Variants in ATP1A4 observed in about 807,000 individuals in gnomAD.
ATP1A4 encodes ATPase Na+/K+ transporting subunit alpha 4.
ATP1A4 carries 90 observed loss-of-function variants against 114.3 expected under a neutral mutation model. The observed-to-expected ratio is 0.79, with a 90% CI of 0.66 to 0.94. The LOEUF is 0.94. Ranked by LOEUF, ATP1A4 falls within the 40% of genes least tolerant of loss-of-function variation. The pLI is 0.00. For synonymous variants in ATP1A4, 511 were observed against 494.1 expected, an observed-to-expected ratio of 1.03 and a Z score of -0.45; for missense variants, 1,222 against 1,313.6, an observed-to-expected ratio of 0.93 and a Z score of 1.08.
intron 20 of ATP1A4, among the ~76,000 whole-genome samples, chr1:160,184,930 TA>T (rs1438579163): frequency 6.6e-6 from 1 of 152,174 alleles, no homozygotes; most frequent in African/African-American, 2.4e-5. Context: ...ATCCCCACAC[TA>T]AATGTCTCAG....
chr1:160,157,095 A>C (rs539172767), intron 4 of ATP1A4, among the ~76,000 whole-genome samples: 18 of 152,320 alleles, frequency 1.2e-4, no homozygotes, highest in African/African-American at 4.1e-4. Flanking sequence ...TCTCAAAAAA[A>C]AGACAGGGAC....
intron 10 of ATP1A4, chr1:160,171,033 A>G: frequency 2.1e-6 from 1 of 467,680 alleles, no homozygotes; most frequent in South Asian, 4.8e-5. Context: ...TGAGAAGATA[A>G]TGGAGATTCC....
chr1:160,173,547 A>G, intron 12 of ATP1A4, 34 bp from the exon 13 acceptor site: 1 of 1,604,214 alleles, frequency 6.2e-7, no homozygotes, highest in South Asian at 1.1e-5. Context: ...TCTGAAGATG[A>G]TTCTGCTCCT....
chr1:160,154,372 C>CAA (rs879832091), intron 2 of ATP1A4, among the ~76,000 whole-genome samples: 5 of 132,582 alleles, frequency 3.8e-5, no homozygotes, highest in African/African-American at 1.4e-4. Flanking sequence ...GACTCTGTCT[C>CAA]AAAAAAAAAA....
Position 160,153,159 on chromosome 1 carries a change from C to T in ATP1A4, c.148-6C>T, listed in dbSNP as rs1652516686. On this transcript the variant is annotated splice_polypyrimidine_tract_variant and splice_region_variant and intron_variant, in intron 1 of 21. Coordinates refer to ENST00000368081, the MANE Select transcript of ATP1A4 (RefSeq NM_144699.4). ...CTGTCCCTCAATGCCTCTACTGTCC[C>T]CTCAGGATGATCACAAATTAACCTT... 1 of 1,613,840 alleles carries T rather than the reference C, an allele frequency of 6.2e-7. No individual in the cohort carries two copies. Among genetic ancestry groups the T allele is most frequent in the Non-Finnish European group, 8.5e-7 (1 of 1,179,788 alleles).
chr1:160,181,282 G>A (rs1653690128), intron 18 of ATP1A4, among the ~76,000 whole-genome samples: 1 of 152,158 alleles, frequency 6.6e-6, no homozygotes, highest in Non-Finnish European at 1.5e-5. Context: ...GCCGGGCACA[G>A]TGAGTCACGC....
In ATP1A4 at chr1:160,181,617, G is replaced by C. The variant is rs545176161; in HGVS notation, c.2737-67G>C. ...CCCAGGGGTCCTGGAAGGTGGGAGAGGAAAGAAGCCTTAGGGTGTACAGAA... is the reference window on the plus strand; with the variant it reads ...CCCAGGGGTCCTGGAAGGTGGGAGACGAAAGAAGCCTTAGGGTGTACAGAA... On this transcript the variant is annotated intron_variant, in intron 18 of 21. Transcript: ENST00000368081. The C allele has an allele frequency of 7.0e-6, 11 of 1,568,158 alleles. No homozygotes were observed. In the Admixed American group the frequency reaches 2.0e-4, roughly 29 times the overall value.
chr1:160,155,028 A>G lies in ATP1A4; in HGVS notation c.208-17A>G, dbSNP rs1326909500. ...TTTTCACAGCTCTCTATCCAACCCT[A>G]TTTCTTCTCTGCACAGGGCCATAGC... On this transcript the variant is annotated splice_polypyrimidine_tract_variant and intron_variant, in intron 2 of 21. Transcript: ENST00000368081. The G allele has an allele frequency of 4.3e-6, 7 of 1,610,722 alleles. No homozygotes were observed. The highest frequency in any genetic ancestry group is 5.9e-6 in the Non-Finnish European group (7 of 1,178,064).
At chr1:160,161,572 A>T (rs1652863572) in intron 6 of ATP1A4, among the ~76,000 whole-genome samples, 1 of 152,176 alleles carries the variant, frequency 6.6e-6, no homozygotes, top group African/African-American at 2.4e-5. Flanking sequence ...AAATAGAAGA[A>T]CTAGACTAAA....
intron 15 of ATP1A4, 48 bp downstream of exon 15, chr1:160,174,795 G>A (rs1315068148): frequency 6.2e-7 from 1 of 1,609,858 alleles, no homozygotes; most frequent in Non-Finnish European, 8.5e-7. Flanking sequence ...CTGGACTCAG[G>A]TGGGGGTTGG....
At chr1:160,157,105 C>T (rs569593403) in intron 4 of ATP1A4, among the ~76,000 whole-genome samples, 3 of 151,948 alleles carry the variant, frequency 2.0e-5, no homozygotes, top group East Asian at 1.9e-4. Flanking sequence ...AAGACAGGGA[C>T]GTGGCAACTA....
intron 3 of ATP1A4, 150 bp from the exon 4 acceptor site, chr1:160,155,895 C>G (rs1652635756): frequency 1.7e-6 from 1 of 585,934 alleles, no homozygotes; most frequent in African/African-American, 1.9e-5. Flanking sequence ...ACTGGTCCCA[C>G]CTCAGATTCT....
At chr1:160,153,528 C>T (rs1652531229) in intron 2 of ATP1A4, among the ~76,000 whole-genome samples, 1 of 152,094 alleles carries the variant, frequency 6.6e-6, no homozygotes, top group African/African-American at 2.4e-5. Flanking sequence ...AGAACTTGTG[C>T]TTATGTGGCT....
chr1:160,165,907 C>T (rs1316769955), intron 7 of ATP1A4, among the ~76,000 whole-genome samples: 1 of 152,146 alleles, frequency 6.6e-6, no homozygotes, highest in East Asian at 1.9e-4. Context: ...ATGCAAAGAT[C>T]CTGAGGGAGC....
At chr1:160,171,844 ACC>A in intron 12 of ATP1A4, 87 bp downstream of exon 12, 3 of 1,351,432 alleles carry the variant, frequency 2.2e-6, no homozygotes, top group South Asian at 1.4e-5. Flanking sequence ...GATGCTTAAT[ACC>A]CTTAGTTTAA....
chr1:160,153,309 G>A, intron 2 of ATP1A4, 85 bp downstream of exon 2: 1 of 1,254,154 alleles, frequency 8.0e-7, no homozygotes, highest in Non-Finnish European at 1.2e-6. Context: ...TAGGAATCCA[G>A]CCCCCTAACT....
chr1:160,165,312 C>T (rs1047932155), intron 7 of ATP1A4, among the ~76,000 whole-genome samples: 2 of 152,192 alleles, frequency 1.3e-5, no homozygotes, highest in Non-Finnish European at 2.9e-5. Flanking sequence ...CTTAGATAAC[C>T]ACAGCCTAAG....
chr1:160,177,703 G>C (rs371854652), intron 18 of ATP1A4, 39 bp downstream of exon 18: 1 of 1,610,136 alleles, frequency 6.2e-7, no homozygotes, highest in Admixed American at 1.7e-5. Flanking sequence ...AGACCAGTAA[G>C]AGTGAGAGTG....
At chr1:160,177,768 A>G (rs1249127737) in intron 18 of ATP1A4, 104 bp downstream of exon 18, 2 of 1,327,344 alleles carry the variant, frequency 1.5e-6, no homozygotes, top group Non-Finnish European at 2.1e-6. Flanking sequence ...GAAGCACCAC[A>G]CAAACAGAGC....
Sources: allele counts gnomAD v4.1 joint callset (sites outside exome capture counted in the v4.1 genomes callset), GRCh38; gene constraint gnomAD v4.1.1; transcripts MANE v1.5; gene names NCBI Gene and HGNC (gene_info 2026-07-23, HGNC 2026-07-21).